Variants in HOMER2 observed in about 807,000 individuals in gnomAD.
The protein encoded by HOMER2 is homer protein homolog 2.
HOMER2 carries 27 observed loss-of-function variants against 47.0 expected under a neutral mutation model. The observed-to-expected ratio is 0.57, with a 90% CI of 0.42 to 0.79. The LOEUF (loss-of-function observed/expected upper bound fraction) is 0.79, where lower values mean the gene tolerates loss of function less well. HOMER2 is among the 30% of genes least tolerant of loss of function. The probability of loss-of-function intolerance (pLI) is 0.00; values close to 1 mark genes in which losing one functional copy is unlikely to be tolerated. For missense variants in HOMER2, 443 were observed against 435.0 expected (o/e 1.02, Z -0.16); for synonymous variants, 161 against 163.8 (o/e 0.98, Z 0.13).
chr15:82,927,969 G>A (rs868118028), intron 1 of HOMER2, among the ~76,000 whole-genome samples: 37 of 127,176 alleles, frequency 2.9e-4, no homozygotes, highest in East Asian at 2.2e-3. Flanking sequence ...CAAAAACTCC[G>A]TCTCAAAAAA....
intron 8 of HOMER2, among the ~76,000 whole-genome samples, chr15:82,850,655 A>AC (rs1567010813): frequency 6.6e-6 from 1 of 152,250 alleles, no homozygotes; most frequent in Non-Finnish European, 1.5e-5. Context: ...GGGTCATGTA[A>AC]CTACATGAAG....
At chr15:82,895,319 T>C (rs912149665) in intron 1 of HOMER2, among the ~76,000 whole-genome samples, 1 of 152,206 alleles carries the variant, frequency 6.6e-6, no homozygotes, top group African/African-American at 2.4e-5. Flanking sequence ...GGGTGACAGC[T>C]GTTAGAAACA....
Position 82,849,653 on chromosome 15 carries a change from G to T in HOMER2, c.*62C>A. ...GCAATGCACACAGAAGAACGTCCTA[G>T]AGCTATCTGGTCTCGCACACACGCT... On this transcript the variant is annotated 3_prime_UTR_variant, in exon 9 of 9. Transcript: ENST00000450735. The T allele has an allele frequency of 6.9e-7, 1 of 1,451,972 alleles. No homozygotes were observed. Among genetic ancestry groups the T allele is most frequent in the Non-Finnish European group, 9.4e-7 (1 of 1,061,212 alleles). 89.9% of individuals were successfully genotyped at this position (1,451,972 alleles called of 1,614,324 possible).
At chr15:82,974,593 A>G (rs1462074426) in intron 1 of HOMER2, among the ~76,000 whole-genome samples, 2 of 152,190 alleles carry the variant, frequency 1.3e-5, no homozygotes, top group Non-Finnish European at 2.9e-5. Flanking sequence ...TCATATTCCA[A>G]ATATGACTGG....
chr15:82,929,761 G>T (rs180995537), intron 1 of HOMER2, among the ~76,000 whole-genome samples: 1 of 150,150 alleles, frequency 6.7e-6, no homozygotes, highest in African/African-American at 2.5e-5. Context: ...ACGGAGTTTC[G>T]CTCTTGTTGC....
At chr15:82,845,158 C>T (rs1237376608), downstream of HOMER2, 1 of 151,510 alleles carries the variant, frequency 6.6e-6, no homozygotes. Context: ...CTTAGGTATA[C>T]ATATTTTTAA....
chr15:82,955,560 A>G (rs1387621190), upstream of HOMER2, among the ~76,000 whole-genome samples: 3 of 152,190 alleles, frequency 2.0e-5, no homozygotes, highest in Non-Finnish European at 4.4e-5. Context: ...TGGCTGGTCC[A>G]GGGACTTCAA....
At chr15:82,853,587 C>G (rs146334043) in intron 6 of HOMER2, among the ~76,000 whole-genome samples, 1 of 152,282 alleles carries the variant, frequency 6.6e-6, no homozygotes, top group Non-Finnish European at 1.5e-5. Flanking sequence ...GACCTGTCCC[C>G]CTAAAACCCT....
intron 4 of HOMER2, among the ~76,000 whole-genome samples, chr15:82,860,067 G>A (rs1397148661): frequency 6.6e-6 from 1 of 151,938 alleles, no homozygotes; most frequent in Non-Finnish European, 1.5e-5. Context: ...GGCCAACATA[G>A]TGAAACCCTG....
intron 1 of HOMER2, among the ~76,000 whole-genome samples, chr15:82,911,395 C>G (rs2053450797): frequency 6.6e-6 from 1 of 152,106 alleles, no homozygotes; most frequent in Non-Finnish European, 1.5e-5. Context: ...AGTACCACTT[C>G]TAGAAGCCAG....
At chr15:82,856,600 C>A (rs2051594607) in intron 5 of HOMER2, among the ~76,000 whole-genome samples, 1 of 152,116 alleles carries the variant, frequency 6.6e-6, no homozygotes, top group South Asian at 2.1e-4. Context: ...GCTGGGATCA[C>A]AGAGACTCTG....
At chr15:82,914,881 G>A (rs1001074844) in intron 1 of HOMER2, among the ~76,000 whole-genome samples, 5 of 152,126 alleles carry the variant, frequency 3.3e-5, no homozygotes, top group African/African-American at 7.2e-5. Context: ...TGCAAAGGGC[G>A]TGCATTTAGA....
At chr15:82,856,219 T>C (rs997341142) in intron 5 of HOMER2, among the ~76,000 whole-genome samples, 1 of 152,242 alleles carries the variant, frequency 6.6e-6, no homozygotes, top group African/African-American at 2.4e-5. Flanking sequence ...CTGCCCATTC[T>C]TGTAGTACCT....
At chr15:82,961,005 A>G (rs2054626502) in intron 1 of HOMER2, among the ~76,000 whole-genome samples, 1 of 152,200 alleles carries the variant, frequency 6.6e-6, no homozygotes, top group Non-Finnish European at 1.5e-5. Context: ...GTCCACCTCC[A>G]GCTCTTTCCC....
At chr15:82,841,684 A>G (rs2051177766) in exon 2 of HOMER2, 1 of 152,208 alleles carries the variant, frequency 6.6e-6, no homozygotes. Context: ...ACCCAGAACT[A>G]TTACCCAACT....
intron 2 of HOMER2, among the ~76,000 whole-genome samples, chr15:82,890,426 A>G (rs961194924): frequency 1.1e-4 from 17 of 152,214 alleles, no homozygotes; most frequent in African/African-American, 4.1e-4. Flanking sequence ...TTTGAGTTCC[A>G]GCAGCACCCC....
chr15:82,845,496 T>C (rs1220227046), downstream of HOMER2: 1 of 152,174 alleles, frequency 6.6e-6, no homozygotes, highest in East Asian at 1.9e-4. Flanking sequence ...GGGGAAGCCA[T>C]GTACTCAGAA....
At chr15:82,856,199 A>C (rs2051579707) in intron 5 of HOMER2, among the ~76,000 whole-genome samples, 1 of 152,208 alleles carries the variant, frequency 6.6e-6, no homozygotes, top group Non-Finnish European at 1.5e-5. Context: ...TAATTTAGGG[A>C]AATAGCTTCC....
chr15:82,939,999 T>C (rs1007056587), intron 1 of HOMER2, among the ~76,000 whole-genome samples: 1 of 151,998 alleles, frequency 6.6e-6, no homozygotes, highest in African/African-American at 2.4e-5. Flanking sequence ...TTCTCACTCA[T>C]AAGTGGGAAT....
Sources: gnomAD v4.1 joint callset for allele counts (sites outside exome capture counted in the v4.1 genomes callset) on GRCh38, gnomAD v4.1.1 for gene constraint, MANE v1.5 for transcripts, NCBI Gene and HGNC (gene_info 2026-07-23, HGNC 2026-07-21) for gene names.